The following CSMD1 variants were observed in gnomAD, a reference collection of about 807,000 sequenced individuals.
CSMD1 encodes the protein CUB and Sushi multiple domains 1.
A neutral mutation model predicts 417.5 loss-of-function variants in CSMD1; 213 were observed. That is an observed-to-expected ratio of 0.51 (90% CI 0.46 to 0.57). CSMD1 has a LOEUF of 0.57. Among genes scored for constraint, CSMD1 ranks in the 20% least tolerant of loss-of-function variants. The pLI is 0.00. For missense variants in CSMD1, 6,923 were observed against 4,529.7 expected (o/e 1.53, Z -15.17); for synonymous variants, 2,862 against 1,736.8 (o/e 1.65, Z -16.11).
intron 1 of CSMD1, among the ~76,000 whole-genome samples, chr8:4,869,655 T>G (rs1488785562): frequency 6.6e-6 from 1 of 152,090 alleles, no homozygotes. Flanking sequence ...CTAATACAGA[T>G]TTTTAAAAAA....
intron 3 of CSMD1, among the ~76,000 whole-genome samples, chr8:4,096,276 C>G (rs1365440604): frequency 6.6e-6 from 1 of 151,976 alleles, no homozygotes; most frequent in Non-Finnish European, 1.5e-5. Context: ...CAAGCAGGCC[C>G]TTGGGATGCC....
At chr8:3,924,848 G>A (rs1016461066) in intron 5 of CSMD1, among the ~76,000 whole-genome samples, 19 of 151,874 alleles carry the variant, frequency 1.3e-4, no homozygotes, top group Non-Finnish European at 2.2e-4. Context: ...TTTGTCAGGC[G>A]GTTCAAAAAT....
chr8:3,357,216 G>T (rs1234701505), intron 21 of CSMD1, among the ~76,000 whole-genome samples: 1 of 152,160 alleles, frequency 6.6e-6, no homozygotes, highest in Non-Finnish European at 1.5e-5. Context: ...AATGCAAAAG[G>T]CTAAATACAA....
chr8:3,254,191 G>T lies in CSMD1; in HGVS notation c.4154-23960C>A, dbSNP rs542360183. On this transcript the variant is annotated intron_variant, in intron 26 of 69. Transcript: ENST00000635120. ...TGAAAGTTCTTTTCTTTAAGAATGTGGAATATTGGCCCCCACTCTCTTCTG... is the reference window on the plus strand; with the variant it reads ...TGAAAGTTCTTTTCTTTAAGAATGTTGAATATTGGCCCCCACTCTCTTCTG... 9.2e-5 allele frequency among the ~76,000 whole-genome samples: 14 copies of T among 152,226 alleles called. No homozygotes were observed. The East Asian group carries it at 1.4e-3, about 15-fold the overall frequency.
At chr8:3,317,692 G>T (rs916688223) in intron 23 of CSMD1, among the ~76,000 whole-genome samples, 1 of 152,068 alleles carries the variant, frequency 6.6e-6, no homozygotes, top group African/African-American at 2.4e-5. Context: ...CGTTTATTTG[G>T]TATCATTACT....
At chr8:3,217,713 T>C (rs1361439748) in intron 29 of CSMD1, among the ~76,000 whole-genome samples, 1 of 152,206 alleles carries the variant, frequency 6.6e-6, no homozygotes. Context: ...CTAAATTGTA[T>C]AATTTTTAAA....
chr8:4,274,300 C>G (rs1796345006), intron 3 of CSMD1, among the ~76,000 whole-genome samples: 1 of 152,110 alleles, frequency 6.6e-6, no homozygotes, highest in Non-Finnish European at 1.5e-5. Context: ...CGTGAAGTAT[C>G]ACCCAACTGG....
At chr8:3,566,335 A>G (rs1351240296) in intron 10 of CSMD1, among the ~76,000 whole-genome samples, 1 of 152,190 alleles carries the variant, frequency 6.6e-6, no homozygotes, top group African/African-American at 2.4e-5. Flanking sequence ...AATCGATTAC[A>G]TATTCCTCAC....
At chr8:3,543,155 T>C (rs947178741) in intron 10 of CSMD1, among the ~76,000 whole-genome samples, 3 of 152,010 alleles carry the variant, frequency 2.0e-5, no homozygotes, top group African/African-American at 7.2e-5. Context: ...AGGACAAAAG[T>C]CAATACCCTG....
At chr8:4,208,883 G>T (rs1254097894) in intron 3 of CSMD1, among the ~76,000 whole-genome samples, 3 of 152,150 alleles carry the variant, frequency 2.0e-5, no homozygotes, top group Non-Finnish European at 4.4e-5. Flanking sequence ...CAGGGAGTGT[G>T]AGATTTTCTT....
intron 10 of CSMD1, among the ~76,000 whole-genome samples, chr8:3,496,854 T>C (rs934344488): frequency 6.6e-6 from 1 of 152,334 alleles, no homozygotes; most frequent in South Asian, 2.1e-4. Flanking sequence ...GTTTAAATTT[T>C]GTTCTTAATT....
At chr8:4,695,431 A>C (rs187217276) in intron 1 of CSMD1, among the ~76,000 whole-genome samples, 64 of 152,360 alleles carry the variant, frequency 4.2e-4, no homozygotes, top group African/African-American at 1.5e-3. Context: ...GCGGATGACC[A>C]GTGACATTTG....
chr8:4,511,521 A>G (rs1802819644), intron 2 of CSMD1, among the ~76,000 whole-genome samples: 1 of 152,322 alleles, frequency 6.6e-6, no homozygotes, highest in East Asian at 1.9e-4. Context: ...CCTAAGAGAA[A>G]GCTCCACAAA....
chr8:4,074,345 A>G (rs1021353371), intron 3 of CSMD1, among the ~76,000 whole-genome samples: 38 of 152,136 alleles, frequency 2.5e-4, no homozygotes, highest in Admixed American at 1.3e-4. Context: ...ATCTGAATGT[A>G]AAATGTAGTA....
rs1266312720 is a variant in CSMD1 at position 3,446,812 on chromosome 8, T to C, written c.1561+21900A>G. ...AACCTGTTGGAAATATAAATATGTA[T>C]GGGTGGTGCTCAAGTTATTATTTTT... On this transcript the variant is annotated intron_variant, in intron 12 of 69. Coordinates refer to ENST00000635120, the MANE Select transcript of CSMD1 (RefSeq NM_033225.6). Among the ~76,000 whole-genome samples the C allele has an allele frequency of 3.3e-5, 5 of 152,222 alleles. 1 individual carries two copies. Among genetic ancestry groups the C allele is most frequent in the South Asian group, 4.1e-4 (2 of 4,836 alleles).
intron 25 of CSMD1, among the ~76,000 whole-genome samples, chr8:3,299,359 G>C (rs150989263): frequency 0.011 from 1,726 of 152,274 alleles, 107 homozygotes; most frequent in Admixed American, 0.093. Flanking sequence ...GGCTCAGGCA[G>C]GAGCATTGCT....
intron 1 of CSMD1, among the ~76,000 whole-genome samples, chr8:4,638,115 T>C (rs984823276): frequency 1.7e-4 from 26 of 152,162 alleles, no homozygotes; most frequent in African/African-American, 6.0e-4. Flanking sequence ...TTTAGGGAAG[T>C]TCTTTATCCT....
chr8:3,221,840 T>C (rs1798235454), intron 28 of CSMD1, among the ~76,000 whole-genome samples: 1 of 152,108 alleles, frequency 6.6e-6, no homozygotes, highest in Non-Finnish European at 1.5e-5. Context: ...TGGGAGCCCA[T>C]ATGTCCTTCA....
chr8:3,167,640 G>T (rs1200775020), intron 37 of CSMD1, among the ~76,000 whole-genome samples: 1 of 152,186 alleles, frequency 6.6e-6, no homozygotes, highest in Non-Finnish European at 1.5e-5. Flanking sequence ...GTAGAATGTA[G>T]CAAGAGAAGT....
Sources: gnomAD v4.1 joint callset for allele counts (sites outside exome capture counted in the v4.1 genomes callset) on GRCh38, gnomAD v4.1.1 for gene constraint, MANE v1.5 for transcripts, NCBI Gene and HGNC (gene_info 2026-07-23, HGNC 2026-07-21) for gene names.